Variants in XXYLT1 observed in about 807,000 individuals in gnomAD.
XXYLT1 encodes xyloside xylosyltransferase 1.
A neutral mutation model predicts 28.9 loss-of-function variants in XXYLT1; 20 were observed. That is an observed-to-expected ratio of 0.69 (90% CI 0.49 to 1.00). The LOEUF is 1.00. Ranked by LOEUF, XXYLT1 falls within the 50% of genes least tolerant of loss-of-function variation. XXYLT1 has a pLI of 0.00. For missense variants in XXYLT1, 542 were observed against 560.1 expected, an observed-to-expected ratio of 0.97 and a Z score of 0.33; for synonymous variants, 257 against 253.8, an observed-to-expected ratio of 1.01 and a Z score of -0.12.
intron 3 of XXYLT1, among the ~76,000 whole-genome samples, chr3:195,073,138 C>A (rs1400898706): frequency 1.3e-5 from 2 of 152,218 alleles, no homozygotes; most frequent in Non-Finnish European, 2.9e-5. Context: ...TCTCTGAGGT[C>A]CCTTTGATCT....
rs532106138 is a variant in XXYLT1, at chr3:195,072,186, C to A, written c.786-2075G>T. Among the ~76,000 whole-genome samples the A allele has an allele frequency of 3.9e-5, 6 of 152,034 alleles. No homozygotes were observed. The South Asian group carries it at 1.0e-3, about 26-fold the overall frequency. ...GGCGTGGGGTGGACCGTGCAGCTGT[C>A]GACACCGGGTGGAAGCAGGGGGCAG... is the stretch of plus-strand genomic sequence containing the variant. On this transcript the variant is annotated intron_variant, in intron 3 of 3. Coordinates refer to ENST00000310380, the MANE Select transcript of XXYLT1 (RefSeq NM_152531.5).
chr3:195,117,446 T>C (rs1308587762), intron 3 of XXYLT1, among the ~76,000 whole-genome samples: 7 of 152,224 alleles, frequency 4.6e-5, no homozygotes, highest in Admixed American at 1.3e-4. Context: ...TGCAGTAAAT[T>C]TGATTCATAT....
At chr3:195,122,192 T>C (rs1194110432) in intron 3 of XXYLT1, 9 of 702,858 alleles carry the variant, frequency 1.3e-5, no homozygotes, top group Admixed American at 4.0e-5. Flanking sequence ...ATCCCATTCA[T>C]GATGACCTAA....
At position 195,270,936 on chromosome 3, in the gene XXYLT1, G is replaced by C; in HGVS notation, c.123C>G (p.Leu41=). The C allele has an allele frequency of 6.7e-7, 1 of 1,488,922 alleles. No individual in the cohort carries two copies. The highest frequency in any genetic ancestry group is 8.9e-7 in the Non-Finnish European group (1 of 1,121,754). The allele number at this position is 1,488,922 out of a possible 1,614,324, so 92.2% of individuals were successfully genotyped here. A position where few individuals can be genotyped will look rare whatever the true frequency, so the allele number is the denominator to read the frequency against. ...AALAVCAFYY[L]GSGRETFSSA... ...TGGAGAAGGTCTCCCGGCCTGAGCC[G>C]AGGTAGTAGAAGGCGCAGACGGCCA... is the stretch of plus-strand genomic sequence containing the variant. The change falls in exon 1 of 4, where the codon CTC becomes CTG. Residue 41 remains leucine, a synonymous_variant. Coordinates refer to ENST00000310380, the MANE Select transcript of XXYLT1 (RefSeq NM_152531.5).
At chr3:195,101,475 C>T (rs572155876) in intron 3 of XXYLT1, among the ~76,000 whole-genome samples, 64 of 152,330 alleles carry the variant, frequency 4.2e-4, no homozygotes, top group African/African-American at 1.4e-3. Context: ...CACACAACTG[C>T]TATCACTTTC....
intron 3 of XXYLT1, among the ~76,000 whole-genome samples, chr3:195,079,172 G>A (rs1715289676): frequency 6.6e-6 from 1 of 152,214 alleles, no homozygotes; most frequent in Non-Finnish European, 1.5e-5. Flanking sequence ...GCTGTAGAGG[G>A]CAAGGACTTG....
chr3:195,253,038 G>A (rs115365017), intron 1 of XXYLT1, among the ~76,000 whole-genome samples: 290 of 152,288 alleles, frequency 1.9e-3, no homozygotes, highest in African/African-American at 5.6e-3. Flanking sequence ...TGTTGAATGA[G>A]ATTTACAGCT....
chr3:195,079,374 A>C (rs563975231), intron 3 of XXYLT1, among the ~76,000 whole-genome samples: 1 of 152,282 alleles, frequency 6.6e-6, no homozygotes, highest in African/African-American at 2.4e-5. Context: ...TCTGTACGCC[A>C]AGGGAAAGGG....
At chr3:195,105,050 C>T (rs986706611) in intron 3 of XXYLT1, among the ~76,000 whole-genome samples, 3 of 152,194 alleles carry the variant, frequency 2.0e-5, no homozygotes, top group Admixed American at 2.0e-4. Flanking sequence ...GTGGCTGCGC[C>T]GCATTTGGAA....
intron 3 of XXYLT1, among the ~76,000 whole-genome samples, chr3:195,110,332 T>TGTG (rs1577039252): frequency 1.7e-3 from 14 of 8,302 alleles, no homozygotes; most frequent in Admixed American, 3.5e-3. Context: ...GGGTGAGGTG[T>TGTG]GTGTATGTGT....
intron 1 of XXYLT1, among the ~76,000 whole-genome samples, chr3:195,234,325 T>C (rs1457553907): frequency 7.3e-6 from 1 of 137,144 alleles, no homozygotes; most frequent in Non-Finnish European, 1.6e-5. Flanking sequence ...TTTTTTTTTT[T>C]TTTTTTTTTT....
chr3:195,107,595 AGG>A (rs1560098391), intron 3 of XXYLT1, among the ~76,000 whole-genome samples: 10 of 13,030 alleles, frequency 7.7e-4, no homozygotes, highest in East Asian at 2.3e-3. Flanking sequence ...GGGGAGGAGG[AGG>A]GGGAGGAGGA....
At chr3:195,182,052 G>A (rs1721978007) in intron 2 of XXYLT1, among the ~76,000 whole-genome samples, 1 of 152,162 alleles carries the variant, frequency 6.6e-6, no homozygotes, top group Admixed American at 6.5e-5. Context: ...ACACTGTGAA[G>A]GGCATATTTA....
At chr3:195,238,280 C>T (rs892849122) in intron 1 of XXYLT1, among the ~76,000 whole-genome samples, 1 of 152,164 alleles carries the variant, frequency 6.6e-6, no homozygotes, top group Non-Finnish European at 1.5e-5. Flanking sequence ...CTCTCCCAGC[C>T]CCCATCTGCC....
intron 1 of XXYLT1, chr3:195,247,724 G>T: frequency 1.4e-6 from 1 of 691,340 alleles, no homozygotes; most frequent in South Asian, 1.5e-5. Flanking sequence ...TGTAAAGAAG[G>T]ACCCAAGACT....
At chr3:195,098,545 A>C (rs1716587290) in intron 3 of XXYLT1, among the ~76,000 whole-genome samples, 1 of 152,160 alleles carries the variant, frequency 6.6e-6, no homozygotes, top group South Asian at 2.1e-4. Flanking sequence ...AGAGAGAGAG[A>C]CTGTCTCAAC....
At position 195,270,759 on chromosome 3, in the gene XXYLT1, G is replaced by C; in HGVS notation, c.300C>G (p.His100Gln). 2.5e-6 allele frequency: 4 copies of C among 1,583,404 alleles called. No individual in the cohort carries two copies. Among genetic ancestry groups the C allele is most frequent in the Non-Finnish European group, 3.4e-6 (4 of 1,169,276 alleles). ...CCGCCTTGGTGAACATCATCAGCAG[G>C]TGGTAGTCCACCGGCCCGGCACCGC... Reference protein sequence around the residue: ...EGGGAGPVDYHLLMMFTKAEH... With the variant: ...EGGGAGPVDYQLLMMFTKAEH... The change falls in exon 1 of 4, where the codon CAC (histidine) becomes CAG (glutamine). Residue 100 changes from histidine to glutamine, a missense_variant. Coordinates refer to ENST00000310380, the MANE Select transcript of XXYLT1 (RefSeq NM_152531.5).
chr3:195,233,218 A>T (rs1437617168), intron 1 of XXYLT1, among the ~76,000 whole-genome samples: 1 of 152,166 alleles, frequency 6.6e-6, no homozygotes, highest in African/African-American at 2.4e-5. Flanking sequence ...GTTGGCATGA[A>T]ATATCTTTTG....
At position 195,078,970 on chromosome 3, in the gene XXYLT1, A is replaced by T. The variant is rs1489978405; in HGVS notation, c.786-8859T>A. ...TTTGCGACCAGACGCACTCTGCTCC[A>T]GTGATGGGAACTGAGATCCCTCTCT... is the stretch of plus-strand genomic sequence containing the variant. On this transcript the variant is annotated intron_variant, in intron 3 of 3. Coordinates refer to ENST00000310380, the MANE Select transcript of XXYLT1 (RefSeq NM_152531.5). This position sits in a 1 kb window ranked among gnomAD's most constrained non-coding sequence, Gnocchi z 5.0. 6.6e-6 allele frequency among the ~76,000 whole-genome samples: 1 copy of T among 152,160 alleles called. No individual in the cohort carries two copies. The highest frequency in any genetic ancestry group is 1.5e-5 in the Non-Finnish European group (1 of 68,028).
Sources: allele counts gnomAD v4.1 joint callset (sites outside exome capture counted in the v4.1 genomes callset), GRCh38; gene constraint gnomAD v4.1.1; non-coding constraint Gnocchi (gnomAD v3.1); transcripts MANE v1.5; gene names NCBI Gene and HGNC (gene_info 2026-07-23, HGNC 2026-07-21).